CNST: variants seen among roughly 807,000 people sequenced by gnomAD.
CNST encodes consortin.
In CNST, 39 loss-of-function variants were observed where a neutral mutation model predicts 72.4. The observed-to-expected ratio is 0.54, with a 90% confidence interval of 0.42 to 0.70. The LOEUF (loss-of-function observed/expected upper bound fraction) is 0.70, where lower values mean the gene tolerates loss of function less well. CNST is among the 30% of genes least tolerant of loss of function. The pLI is 0.00. For synonymous variants in CNST, 332 were observed against 320.1 expected, an observed-to-expected ratio of 1.04 and a Z score of -0.40; for missense variants, 871 against 868.5, an observed-to-expected ratio of 1.00 and a Z score of -0.04.
At chr1:246,584,073 T>C (rs1660980985) in intron 1 of CNST, among the ~76,000 whole-genome samples, 1 of 152,072 alleles carries the variant, frequency 6.6e-6, no homozygotes, top group African/African-American at 2.4e-5. Context: ...CCTGAGTAGC[T>C]AGAACCACAG....
chr1:246,590,496 CAGG>C (rs1205038720), intron 1 of CNST, among the ~76,000 whole-genome samples: 1 of 152,104 alleles, frequency 6.6e-6, no homozygotes, highest in African/African-American at 2.4e-5. Flanking sequence ...AGGAGGGCAG[CAGG>C]AGAAGTGGTG....
Position 246,578,668 on chromosome 1 carries a change from CA to C in CNST, c.-52+12018del, listed in dbSNP as rs535495219. On this transcript the variant is annotated intron_variant, in intron 1 of 10. Coordinates refer to ENST00000366513, the MANE Select transcript of CNST (RefSeq NM_152609.3). ...CCTAGGCAACAGAGAGACTCCGTTT[CA>C]AAAAAAAAAAAACTATTGCCTCAAA... is the stretch of plus-strand genomic sequence containing the variant. Among the ~76,000 whole-genome samples the C allele has an allele frequency of 5.1e-3, 722 of 140,330 alleles. 3 individuals are homozygous for C. The highest frequency in any genetic ancestry group is 0.015 in the African/African-American group (576 of 38,482). The allele number at this position is 140,330 out of a possible 152,430, so 92.1% of individuals were successfully genotyped here.
chr1:246,664,833 A>G (rs1389958637), intron 10 of CNST, among the ~76,000 whole-genome samples: 7 of 152,220 alleles, frequency 4.6e-5, no homozygotes, highest in African/African-American at 1.7e-4. Flanking sequence ...CCTACACTTT[A>G]ATCATGCTGC....
At chr1:246,609,076 T>G (rs939176456) in intron 2 of CNST, among the ~76,000 whole-genome samples, 4 of 152,112 alleles carry the variant, frequency 2.6e-5, no homozygotes, top group Admixed American at 2.6e-4. Context: ...CCCGGGGGTG[T>G]GGGAGGGAGC....
At chr1:246,576,881 A>G (rs575082702) in intron 1 of CNST, among the ~76,000 whole-genome samples, 3 of 152,044 alleles carry the variant, frequency 2.0e-5, no homozygotes, top group African/African-American at 7.3e-5. Context: ...ACAGTGCTTT[A>G]AGATAAAGGA....
chr1:246,658,337 T>C (rs1478663926), intron 9 of CNST, among the ~76,000 whole-genome samples: 2 of 152,236 alleles, frequency 1.3e-5, no homozygotes, highest in Non-Finnish European at 2.9e-5. Context: ...AGTTCTTTAA[T>C]GACGATGTTG....
chr1:246,567,312 G>A (rs1320539748), intron 1 of CNST, among the ~76,000 whole-genome samples: 3 of 151,452 alleles, frequency 2.0e-5, no homozygotes, highest in Non-Finnish European at 2.9e-5. Context: ...ACCCAATTTT[G>A]AAGACTAAAA....
In CNST at chr1:246,566,609, G is replaced by A; in HGVS notation, c.-106G>A. 2 of 404,268 alleles carry A rather than the reference G, an allele frequency of 4.9e-6. No individual in the cohort carries two copies. The highest frequency in any genetic ancestry group is 2.0e-5 in the African/African-American group (1 of 48,790). 25.0% of individuals were successfully genotyped at this position (404,268 alleles called of 1,614,324 possible). On this transcript the variant is annotated 5_prime_UTR_variant, in exon 1 of 11. Transcript: ENST00000366513. ...GTCGGCCGCCATGTCGCCGAGTGGG[G>A]CTGGAAACAGACCCGGCGCCCAGCG...
At chr1:246,637,378 C>G (rs1665352544) in intron 6 of CNST, among the ~76,000 whole-genome samples, 1 of 152,162 alleles carries the variant, frequency 6.6e-6, no homozygotes, top group South Asian at 2.1e-4. Flanking sequence ...GAGGTGTCGG[C>G]AGGGAGAGGC....
In CNST at chr1:246,641,741, T is replaced by C. The variant is rs2103120039; in HGVS notation, c.819-8T>C. On this transcript the variant is annotated splice_region_variant and splice_polypyrimidine_tract_variant and intron_variant, in intron 6 of 10. Transcript: ENST00000366513. ...TTAAAATTCTTTTTTCTTTCTTTTT[T>C]CCTACAGTCCTCTTTTATCCAAACA... The C allele has an allele frequency of 7.6e-7, 1 of 1,317,270 alleles. No individual in the cohort carries two copies. The highest frequency in any genetic ancestry group is 1.1e-6 in the Non-Finnish European group (1 of 924,708). 81.6% of individuals were successfully genotyped at this position (1,317,270 alleles called of 1,614,324 possible).
intron 2 of CNST, chr1:246,606,541 A>G (rs1018371401): frequency 2.0e-4 from 31 of 152,336 alleles, no homozygotes; most frequent in Middle Eastern, 3.4e-3. Context: ...TTGTTGTCAC[A>G]CGAGCATTTC....
At chr1:246,627,645 G>A (rs1053406635) in intron 3 of CNST, among the ~76,000 whole-genome samples, 2 of 152,136 alleles carry the variant, frequency 1.3e-5, no homozygotes, top group African/African-American at 4.8e-5. Context: ...TCTGGGGAGA[G>A]GCTTTTCTAT....
At chr1:246,660,063 A>ATGAT (rs1572256896) in intron 9 of CNST, 136 bp from the exon 10 acceptor site, 1 of 669,724 alleles carries the variant, frequency 1.5e-6, no homozygotes. Flanking sequence ...TTAGATTTTG[A>ATGAT]TGTTATTTTT....
chr1:246,566,872 C>T (rs145240290), intron 1 of CNST: 2 of 387,580 alleles, frequency 5.2e-6, no homozygotes, highest in African/African-American at 4.1e-5. Flanking sequence ...TGTGGGTCTC[C>T]TATTGCTGCG....
Position 246,639,922 on chromosome 1 carries a change from C to T in CNST, c.819-1827C>T, listed in dbSNP as rs138322327. On this transcript the variant is annotated intron_variant, in intron 6 of 10. Transcript: ENST00000366513. ...TCTGATGTAACTGCTATGTGGTACC[C>T]GGATGGCCAATCTCTCCATCCTCAG... 1.5e-4 allele frequency among the ~76,000 whole-genome samples: 22 copies of T among 151,642 alleles called. No individual in the cohort carries two copies. The East Asian group carries it at 2.0e-3, about 13-fold the overall frequency.
chr1:246,585,522 C>T (rs1661082596), intron 1 of CNST, among the ~76,000 whole-genome samples: 1 of 151,368 alleles, frequency 6.6e-6, no homozygotes, highest in Non-Finnish European at 1.5e-5. Context: ...TGGTGCATGC[C>T]TGTAATCCCA....
At chr1:246,630,094 C>G (rs973626519) in intron 3 of CNST, among the ~76,000 whole-genome samples, 1 of 152,184 alleles carries the variant, frequency 6.6e-6, no homozygotes, top group Admixed American at 6.5e-5. Flanking sequence ...CTGGAACCTG[C>G]TAGTACTGAC....
At chr1:246,605,675 TTCCGGCCGGGGTAGGTGTC>T (rs1662695204) in intron 2 of CNST, among the ~76,000 whole-genome samples, 2 of 145,996 alleles carry the variant, frequency 1.4e-5, no homozygotes, top group Non-Finnish European at 3.1e-5. Context: ...GGTGCGTGTC[TTCCGGCCGGGGTAGGTGTC>T]TTCCGGCCGG....
At chr1:246,569,830 C>A in intron 1 of CNST, 2 of 334,450 alleles carry the variant, frequency 6.0e-6, no homozygotes, top group Non-Finnish European at 8.5e-6. Flanking sequence ...GTCATTGTTA[C>A]TAGTTATTTA....
Sources: gnomAD v4.1 joint callset for allele counts (sites outside exome capture counted in the v4.1 genomes callset) on GRCh38, gnomAD v4.1.1 for gene constraint, MANE v1.5 for transcripts, NCBI Gene and HGNC (gene_info 2026-07-23, HGNC 2026-07-21) for gene names.